CAMK2D: variants seen among roughly 807,000 people sequenced by gnomAD.
CAMK2D encodes the protein calcium/calmodulin-dependent protein kinase type II subunit delta.
In CAMK2D, 37 loss-of-function variants were observed where a neutral mutation model predicts 84.0. The observed-to-expected ratio is 0.44, with a 90% CI of 0.34 to 0.58. The LOEUF is 0.58. Among genes scored for constraint, CAMK2D ranks in the 20% least tolerant of loss-of-function variants. CAMK2D has a pLI of 0.02. For synonymous variants in CAMK2D, 202 were observed against 212.5 expected, an observed-to-expected ratio of 0.95 and a Z score of 0.43; for missense variants, 448 against 652.5, an observed-to-expected ratio of 0.69 and a Z score of 3.41.
intron 4 of CAMK2D, among the ~76,000 whole-genome samples, chr4:113,604,287 T>C (rs1055380450): frequency 6.6e-6 from 1 of 152,194 alleles, no homozygotes; most frequent in Non-Finnish European, 1.5e-5. Context: ...ATATTTAAAA[T>C]GTGCATTTTT....
chr4:113,644,637 G>A (rs1214871523), intron 3 of CAMK2D, among the ~76,000 whole-genome samples: 1 of 152,142 alleles, frequency 6.6e-6, no homozygotes, highest in Non-Finnish European at 1.5e-5. Context: ...AAGGCTTTTT[G>A]TATCACATTA....
chr4:113,559,627 C>T (rs1050452995), intron 4 of CAMK2D, among the ~76,000 whole-genome samples: 1 of 152,262 alleles, frequency 6.6e-6, no homozygotes, highest in Admixed American at 6.5e-5. Context: ...TAAGATTTCA[C>T]TGTTAATGCC....
chr4:113,468,876 C>T (rs1421056669), intron 16 of CAMK2D, among the ~76,000 whole-genome samples: 3 of 152,150 alleles, frequency 2.0e-5, no homozygotes, highest in Non-Finnish European at 4.4e-5. Context: ...GCCATTTAAT[C>T]GCAGGAAGCT....
chr4:113,703,946 A>G (rs1399157914), intron 2 of CAMK2D, among the ~76,000 whole-genome samples: 1 of 140,516 alleles, frequency 7.1e-6, no homozygotes, highest in African/African-American at 2.6e-5. Flanking sequence ...TTTTTTTAAG[A>G]ACCAGGTACT....
At chr4:113,625,714 A>G (rs2099065114) in intron 3 of CAMK2D, among the ~76,000 whole-genome samples, 1 of 152,144 alleles carries the variant, frequency 6.6e-6, no homozygotes, top group Non-Finnish European at 1.5e-5. Context: ...GGAGTATGCC[A>G]TTATTAAAGG....
intron 2 of CAMK2D, among the ~76,000 whole-genome samples, chr4:113,666,806 C>T (rs899432564): frequency 1.3e-5 from 2 of 152,164 alleles, no homozygotes; most frequent in Non-Finnish European, 2.9e-5. Context: ...AGCTCTATCA[C>T]TAATTTTTAC....
chr4:113,524,036 A>AT (rs1366983014), intron 8 of CAMK2D, among the ~76,000 whole-genome samples: 1 of 151,798 alleles, frequency 6.6e-6, no homozygotes, highest in Non-Finnish European at 1.5e-5. Flanking sequence ...TGCCCGGCTA[A>AT]TTTTTTCTGT....
At chr4:113,489,601 T>A (rs1473869710) in intron 16 of CAMK2D, among the ~76,000 whole-genome samples, 6 of 148,638 alleles carry the variant, frequency 4.0e-5, no homozygotes, top group African/African-American at 1.2e-4. Context: ...GCAATAAACA[T>A]ACGTGTGCAT....
chr4:113,487,907 G>A (rs932324571), intron 16 of CAMK2D, among the ~76,000 whole-genome samples: 1 of 151,872 alleles, frequency 6.6e-6, no homozygotes, highest in African/African-American at 2.4e-5. Flanking sequence ...CATCACAGTA[G>A]AGTAGAAAAA....
At chr4:113,477,203 G>A (rs2097639342) in intron 16 of CAMK2D, among the ~76,000 whole-genome samples, 1 of 152,124 alleles carries the variant, frequency 6.6e-6, no homozygotes, top group Non-Finnish European at 1.5e-5. Context: ...ATGTCGTCAT[G>A]CATTTGAAAG....
intron 3 of CAMK2D, among the ~76,000 whole-genome samples, chr4:113,616,169 C>T (rs1016098546): frequency 6.6e-6 from 1 of 152,084 alleles, no homozygotes; most frequent in Non-Finnish European, 1.5e-5. Flanking sequence ...ACTGCTTACA[C>T]TTAATAGGAA....
At chr4:113,648,075 TA>T (rs1182145840) in intron 3 of CAMK2D, among the ~76,000 whole-genome samples, 10 of 152,208 alleles carry the variant, frequency 6.6e-5, no homozygotes, top group African/African-American at 2.4e-4. Context: ...AGACTGTAGT[TA>T]AAATTTATAG....
intron 16 of CAMK2D, among the ~76,000 whole-genome samples, chr4:113,497,287 A>G (rs2097949790): frequency 6.6e-6 from 1 of 152,224 alleles, no homozygotes; most frequent in Non-Finnish European, 1.5e-5. Flanking sequence ...GAACATGGCT[A>G]GTTCAAAAAG....
At chr4:113,700,056 A>T (rs1341779603) in intron 2 of CAMK2D, among the ~76,000 whole-genome samples, 1 of 152,170 alleles carries the variant, frequency 6.6e-6, no homozygotes, top group Non-Finnish European at 1.5e-5. Context: ...TTTCTGTGGA[A>T]ACGCAAGTAT....
In CAMK2D at chr4:113,761,511, G is replaced by A. The variant is rs542929470; in HGVS notation, c.-443C>T. The A allele has an allele frequency of 9.7e-7, 1 of 1,032,838 alleles. No individual in the cohort carries two copies. Among genetic ancestry groups the A allele is most frequent in the African/African-American group, 1.7e-5 (1 of 58,596 alleles). 64.0% of individuals were successfully genotyped at this position (1,032,838 alleles called of 1,614,324 possible). ...GGGGAGGGAGTCCGAGGGGGCGGAG[G>A]TGGAGTGCAGCGGGGCCGAGGCCGC... On this transcript the variant is annotated 5_prime_UTR_variant, in exon 1 of 21. Transcript: ENST00000511664.
intron 2 of CAMK2D, among the ~76,000 whole-genome samples, chr4:113,742,934 C>T (rs1316245527): frequency 6.6e-6 from 1 of 152,076 alleles, no homozygotes; most frequent in Non-Finnish European, 1.5e-5. Flanking sequence ...CCTGAGCCAT[C>T]AAAAGCTGCC....
intron 2 of CAMK2D, among the ~76,000 whole-genome samples, chr4:113,676,474 A>G (rs936830464): frequency 1.6e-4 from 25 of 152,114 alleles, no homozygotes; most frequent in Non-Finnish European, 3.1e-4. Context: ...CCAATCCATA[A>G]GTCACTTTAT....
At chr4:113,710,658 C>T (rs1455752449) in intron 2 of CAMK2D, among the ~76,000 whole-genome samples, 1 of 152,168 alleles carries the variant, frequency 6.6e-6, no homozygotes, top group Non-Finnish European at 1.5e-5. Flanking sequence ...GGCTGCAGTT[C>T]CATCCTACAG....
At chr4:113,746,127 T>C (rs2099603608) in intron 2 of CAMK2D, among the ~76,000 whole-genome samples, 1 of 152,198 alleles carries the variant, frequency 6.6e-6, no homozygotes, top group African/African-American at 2.4e-5. Flanking sequence ...CCTAAGCTTG[T>C]TATAGAAGGG....
Sources: gnomAD v4.1 joint callset for allele counts (sites outside exome capture counted in the v4.1 genomes callset) on GRCh38, gnomAD v4.1.1 for gene constraint, MANE v1.5 for transcripts, NCBI Gene and HGNC (gene_info 2026-07-23, HGNC 2026-07-21) for gene names.